The following DCC variants were observed in gnomAD, a reference collection of about 807,000 sequenced individuals.
DCC encodes DCC netrin 1 receptor.
DCC carries 58 observed loss-of-function variants against 172.5 expected under a neutral mutation model. That is an observed-to-expected ratio of 0.34 (90% CI 0.27 to 0.42). DCC has a LOEUF of 0.42. Ranked by LOEUF, DCC falls within the 10% of genes least tolerant of loss-of-function variation. DCC has a pLI of 1.00. For missense variants in DCC, 1,740 were observed against 1,791.0 expected, an observed-to-expected ratio of 0.97 and a Z score of 0.51; for synonymous variants, 709 against 644.5, an observed-to-expected ratio of 1.10 and a Z score of -1.52.
chr18:53,175,232 C>G (rs1201011343), intron 8 of DCC, among the ~76,000 whole-genome samples: 1 of 151,980 alleles, frequency 6.6e-6, no homozygotes, highest in East Asian at 1.9e-4. Flanking sequence ...ACTGAATGGG[C>G]AAAAACTGGA....
At chr18:52,863,314 C>T (rs2039172802) in intron 2 of DCC, among the ~76,000 whole-genome samples, 1 of 151,696 alleles carries the variant, frequency 6.6e-6, no homozygotes, top group Non-Finnish European at 1.5e-5. Flanking sequence ...GTGTTGACTC[C>T]CATAACCCTA....
chr18:53,267,133 C>CACATAT (rs778102116), intron 12 of DCC, among the ~76,000 whole-genome samples: 5 of 145,452 alleles, frequency 3.4e-5, no homozygotes, highest in Non-Finnish European at 4.5e-5. Flanking sequence ...CACACACACA[C>CACATAT]ATATATATAT....
At chr18:52,520,292 T>G (rs1405521145) in intron 1 of DCC, among the ~76,000 whole-genome samples, 1 of 152,176 alleles carries the variant, frequency 6.6e-6, no homozygotes, top group Non-Finnish European at 1.5e-5. Flanking sequence ...CTATGAATGG[T>G]CACTCCCAGA....
intron 3 of DCC, among the ~76,000 whole-genome samples, chr18:52,915,116 A>G (rs1598925675): frequency 6.6e-6 from 1 of 152,194 alleles, no homozygotes; most frequent in Admixed American, 6.6e-5. Flanking sequence ...GCAGATGTCA[A>G]CAGTCCATAA....
At chr18:53,310,987 C>T (rs1171862032) in intron 13 of DCC, among the ~76,000 whole-genome samples, 2 of 146,498 alleles carry the variant, frequency 1.4e-5, no homozygotes, top group African/African-American at 2.7e-5. Context: ...TTAGAAGCAT[C>T]TAGGACACAC....
At chr18:52,603,709 A>T (rs755434420) in intron 1 of DCC, among the ~76,000 whole-genome samples, 3 of 151,958 alleles carry the variant, frequency 2.0e-5, no homozygotes, top group Non-Finnish European at 4.4e-5. Context: ...AAGGAAAAAC[A>T]GAAAGGAATG....
chr18:52,780,311 A>G (rs1447187105), intron 2 of DCC, among the ~76,000 whole-genome samples: 1 of 152,166 alleles, frequency 6.6e-6, no homozygotes, highest in Non-Finnish European at 1.5e-5. Context: ...TGAACTTTAC[A>G]GTTTTGAGAT....
chr18:53,001,145 C>G (rs1324264897), intron 5 of DCC, among the ~76,000 whole-genome samples: 1 of 152,064 alleles, frequency 6.6e-6, no homozygotes, highest in Non-Finnish European at 1.5e-5. Context: ...ACCACTGATT[C>G]AGACTTGACT....
chr18:53,041,397 A>G (rs972405059), intron 5 of DCC, among the ~76,000 whole-genome samples: 1 of 152,122 alleles, frequency 6.6e-6, no homozygotes, highest in African/African-American at 2.4e-5. Context: ...TACCAGTACC[A>G]TGCTGTTTTG....
At chr18:52,688,151 A>G (rs756902734) in intron 1 of DCC, among the ~76,000 whole-genome samples, 77 of 149,242 alleles carry the variant, frequency 5.2e-4, no homozygotes, top group Non-Finnish European at 1.0e-3. Flanking sequence ...GGTATATTGT[A>G]TAATTAACAA....
intron 27 of DCC, among the ~76,000 whole-genome samples, chr18:53,521,639 C>A (rs1408712053): frequency 6.6e-6 from 1 of 152,062 alleles, no homozygotes; most frequent in Non-Finnish European, 1.5e-5. Context: ...TAAGCTATGC[C>A]TATGCCTTTC....
intron 3 of DCC, among the ~76,000 whole-genome samples, chr18:52,921,865 C>T (rs16955848): frequency 0.1 from 15,271 of 151,252 alleles, 1,115 homozygotes; most frequent in East Asian, 0.31. Flanking sequence ...TATTGTAGAA[C>T]GGTATTGTAT....
chr18:52,923,469 A>G (rs1289280189), intron 3 of DCC, among the ~76,000 whole-genome samples: 1 of 152,122 alleles, frequency 6.6e-6, no homozygotes, highest in Non-Finnish European at 1.5e-5. Flanking sequence ...GGGTAGCCTC[A>G]GATACATGAA....
intron 9 of DCC, among the ~76,000 whole-genome samples, chr18:53,202,830 C>G (rs2055561385): frequency 6.6e-6 from 1 of 152,126 alleles, no homozygotes; most frequent in African/African-American, 2.4e-5. Context: ...TAACATGAGA[C>G]AGAGACACAT....
chr18:53,072,486 C>G (rs774278404), intron 7 of DCC, among the ~76,000 whole-genome samples: 1 of 152,058 alleles, frequency 6.6e-6, no homozygotes, highest in South Asian at 2.1e-4. Flanking sequence ...GTGTCTGCAG[C>G]GGAAGGTTGT....
intron 15 of DCC, among the ~76,000 whole-genome samples, chr18:53,374,600 T>A (rs992626558): frequency 6.6e-6 from 1 of 152,076 alleles, no homozygotes; most frequent in African/African-American, 2.4e-5. Context: ...TCTTAATGCT[T>A]GTTGAGTGAA....
At chr18:53,126,979 A>C (rs2144306002) in intron 7 of DCC, among the ~76,000 whole-genome samples, 1 of 152,228 alleles carries the variant, frequency 6.6e-6, no homozygotes, top group South Asian at 2.1e-4. Context: ...GAGAAAGATA[A>C]GTTCTTCGAG....
intron 7 of DCC, among the ~76,000 whole-genome samples, chr18:53,118,828 G>A (rs2043443204): frequency 6.6e-6 from 1 of 151,728 alleles, no homozygotes; most frequent in African/African-American, 2.4e-5. Flanking sequence ...CCTGTCGGGA[G>A]GCATTTTATC....
rs184782007 is a variant in DCC at position 52,611,139 on chromosome 18, C to G, written c.92-140915C>G. Reference sequence around the variant, plus strand: ...ACCTATAAACCTTCAGTGACCCCCCCCTCCTGACAACCACATCTTGTATCA... The same window carrying G: ...ACCTATAAACCTTCAGTGACCCCCCGCTCCTGACAACCACATCTTGTATCA... On this transcript the variant is annotated intron_variant, in intron 1 of 28. Transcript: ENST00000442544. 1.6e-3 allele frequency among the ~76,000 whole-genome samples: 244 copies of G among 152,256 alleles called. 1 individual carries two copies. Among genetic ancestry groups the G allele is most frequent in the South Asian group, 0.011 (53 of 4,814 alleles).
Sources: gnomAD v4.1 joint callset for allele counts (sites outside exome capture counted in the v4.1 genomes callset) on GRCh38, gnomAD v4.1.1 for gene constraint, MANE v1.5 for transcripts, NCBI Gene and HGNC (gene_info 2026-07-23, HGNC 2026-07-21) for gene names.